PRR11: variants seen among roughly 807,000 people sequenced by gnomAD.
PRR11 encodes the protein proline-rich protein 11.
Under a neutral mutation model 45.6 loss-of-function variants are expected in PRR11, and 30 were observed. That is an observed-to-expected ratio of 0.66 (90% CI 0.49 to 0.89). The LOEUF is 0.89. PRR11 is among the 40% of genes least tolerant of loss of function. The probability of loss-of-function intolerance (pLI) is 0.00; values close to 1 mark genes in which losing one functional copy is unlikely to be tolerated. For synonymous variants in PRR11, 128 were observed against 153.5 expected, an observed-to-expected ratio of 0.83 and a Z score of 1.23; for missense variants, 373 against 424.8, an observed-to-expected ratio of 0.88 and a Z score of 1.07.
intron 1 of PRR11, among the ~76,000 whole-genome samples, chr17:59,169,184 C>T (rs568181371): frequency 2.1e-4 from 32 of 150,640 alleles, no homozygotes; most frequent in African/African-American, 5.6e-4. Context: ...CCACAACCTC[C>T]GCCTCCCGAG....
intron 1 of PRR11, among the ~76,000 whole-genome samples, chr17:59,165,783 ACT>A (rs1373533290): frequency 6.6e-6 from 1 of 151,600 alleles, no homozygotes; most frequent in Non-Finnish European, 1.5e-5. Context: ...CAAGAGCAAA[ACT>A]CTGTCTCAAA....
At chr17:59,172,445 C>T (rs560040538) in intron 2 of PRR11, among the ~76,000 whole-genome samples, 13 of 152,342 alleles carry the variant, frequency 8.5e-5, no homozygotes, top group East Asian at 5.8e-4. Context: ...CCCTTCAGCC[C>T]GCCGCTGCAC....
intron 1 of PRR11, among the ~76,000 whole-genome samples, chr17:59,165,855 C>A (rs572969905): frequency 5.9e-5 from 9 of 152,164 alleles, no homozygotes; most frequent in African/African-American, 2.2e-4. Context: ...GTTTAATAAT[C>A]CCTGCTTCAC....
chr17:59,178,417 C>G, intron 2 of PRR11: 3 of 477,874 alleles, frequency 6.3e-6, no homozygotes, highest in South Asian at 4.8e-5. Flanking sequence ...GAAGCTGCAC[C>G]CTCCCCCTGG....
intron 4 of PRR11, among the ~76,000 whole-genome samples, chr17:59,189,810 G>C (rs2046832558): frequency 6.6e-6 from 1 of 152,080 alleles, no homozygotes; most frequent in African/African-American, 2.4e-5. Context: ...TGGGTGACAA[G>C]GCAGTATTCA....
chr17:59,165,483 T>A (rs2046675151), intron 1 of PRR11, among the ~76,000 whole-genome samples: 1 of 151,854 alleles, frequency 6.6e-6, no homozygotes, highest in Non-Finnish European at 1.5e-5. Flanking sequence ...ACTACAGGCT[T>A]GTGTTGTTTT....
At chr17:59,174,960 T>A (rs1027005563) in intron 2 of PRR11, 42 of 816,698 alleles carry the variant, frequency 5.1e-5, no homozygotes, top group Non-Finnish European at 7.1e-5. Context: ...CCCGCCTACC[T>A]CCTCCAACTA....
At chr17:59,168,637 C>G (rs1231123758) in intron 1 of PRR11, among the ~76,000 whole-genome samples, 2 of 151,970 alleles carry the variant, frequency 1.3e-5, no homozygotes, top group Admixed American at 1.3e-4. Flanking sequence ...TTGCAGTGAG[C>G]CAAGATCATG....
chr17:59,160,734 GT>G (rs1012436989), intron 1 of PRR11: 1 of 151,848 alleles, frequency 6.6e-6, no homozygotes, highest in Non-Finnish European at 1.5e-5. Flanking sequence ...TATTTATGTT[GT>G]TTTTTTCTTT....
chr17:59,185,583 A>G, intron 4 of PRR11, 21 bp downstream of exon 4: 1 of 1,576,970 alleles, frequency 6.3e-7, no homozygotes, highest in Non-Finnish European at 8.6e-7. Context: ...TCAAATAAAA[A>G]GCAAATCTGG....
chr17:59,176,203 G>A (rs2046744563), intron 2 of PRR11, among the ~76,000 whole-genome samples: 1 of 152,182 alleles, frequency 6.6e-6, no homozygotes, highest in South Asian at 2.1e-4. Flanking sequence ...CATTTGGAAA[G>A]AGCGGTGAAG....
chr17:59,160,886 C>T (rs2046648009), intron 1 of PRR11: 1 of 151,790 alleles, frequency 6.6e-6, no homozygotes, highest in Non-Finnish European at 1.5e-5. Flanking sequence ...GGTGAGCCAC[C>T]ACGCCAGGAT....
At position 59,172,719 on chromosome 17, in the gene PRR11, G is replaced by A. The variant is rs146648791; in HGVS notation, c.128+2839G>A. On this transcript the variant is annotated intron_variant, in intron 2 of 9. Transcript: ENST00000262293. The stretch of plus-strand genomic sequence containing the variant: ...CACCCAGCAGTGCTGGCCCACTGGC[G>A]CTGTGCTCGATTTCTCGCCGGGCCT... 2.5e-3 allele frequency among the ~76,000 whole-genome samples: 388 copies of A among 152,356 alleles called. 2 individuals are homozygous for A. Among genetic ancestry groups the A allele is most frequent in the African/African-American group, 8.9e-3 (369 of 41,578 alleles).
intron 1 of PRR11, among the ~76,000 whole-genome samples, chr17:59,158,041 AAGGAACC>A (rs1345693596): frequency 2.0e-5 from 3 of 152,216 alleles, no homozygotes; most frequent in African/African-American, 7.2e-5. Flanking sequence ...TTTGTGAGTA[AAGGAACC>A]TTCAAATACT....
intron 2 of PRR11, among the ~76,000 whole-genome samples, chr17:59,177,457 TG>T (rs2046754250): frequency 6.6e-6 from 1 of 152,048 alleles, no homozygotes; most frequent in African/African-American, 2.4e-5. Context: ...GAGGAAGGCA[TG>T]TTGGTGATGC....
chr17:59,175,105 C>G (rs1843184493), intron 2 of PRR11: 1 of 570,028 alleles, frequency 1.8e-6, no homozygotes, highest in Non-Finnish European at 3.1e-6. Flanking sequence ...TCGTTGTCCT[C>G]CTCCATGTCA....
intron 7 of PRR11, among the ~76,000 whole-genome samples, chr17:59,195,908 C>T (rs1479933042): frequency 6.6e-6 from 1 of 151,272 alleles, no homozygotes. Context: ...GTGAGAGCCC[C>T]ATCTCTAAAA....
At chr17:59,163,345 A>G (rs2046663216) in intron 1 of PRR11, among the ~76,000 whole-genome samples, 1 of 152,154 alleles carries the variant, frequency 6.6e-6, no homozygotes, top group African/African-American at 2.4e-5. Flanking sequence ...CCGGCCTCCC[A>G]AAGTGCTGGG....
At chr17:59,177,783 A>G (rs1369788693) in intron 2 of PRR11, among the ~76,000 whole-genome samples, 1 of 152,228 alleles carries the variant, frequency 6.6e-6, no homozygotes, top group African/African-American at 2.4e-5. Flanking sequence ...TGAGAGGCTG[A>G]GACAGGAGGA....
Sources: allele counts gnomAD v4.1 joint callset (sites outside exome capture counted in the v4.1 genomes callset), GRCh38; gene constraint gnomAD v4.1.1; transcripts MANE v1.5; gene names NCBI Gene and HGNC (gene_info 2026-07-23, HGNC 2026-07-21).